Variants in EYS observed in about 807,000 individuals in gnomAD.
The protein encoded by EYS is protein eyes shut homolog.
A neutral mutation model predicts 282.1 loss-of-function variants in EYS; 250 were observed. That is an observed-to-expected ratio of 0.89 (90% CI 0.80 to 0.98). The LOEUF is 0.98. EYS is among the 50% of genes least tolerant of loss of function. EYS has a pLI of 0.00. For synonymous variants in EYS, 1,355 were observed against 1,282.9 expected, an observed-to-expected ratio of 1.06 and a Z score of -1.20; for missense variants, 4,016 against 3,709.0, an observed-to-expected ratio of 1.08 and a Z score of -2.15.
intron 30 of EYS, among the ~76,000 whole-genome samples, chr6:64,265,100 C>CCCCT (rs374267381): frequency 0.57 from 86,851 of 151,528 alleles, 26,178 homozygotes; most frequent in Non-Finnish European, 0.67. Flanking sequence ...TGTTTACCCC[C>CCCCT]AAAATTTAAG....
At chr6:65,389,340 T>C (rs976240536) in intron 7 of EYS, among the ~76,000 whole-genome samples, 2 of 152,116 alleles carry the variant, frequency 1.3e-5, no homozygotes, top group African/African-American at 2.4e-5. Flanking sequence ...GACTCATGCA[T>C]GGATAGGGCC....
intron 21 of EYS, among the ~76,000 whole-genome samples, chr6:64,816,196 A>G (rs1047938481): frequency 1.3e-5 from 2 of 151,970 alleles, no homozygotes; most frequent in Non-Finnish European, 2.9e-5. Context: ...GGTACCTACT[A>G]AGTCCCTACC....
chr6:65,400,004 T>G (rs1766431952), intron 7 of EYS, among the ~76,000 whole-genome samples: 2 of 152,176 alleles, frequency 1.3e-5, no homozygotes, highest in South Asian at 4.1e-4. Context: ...AGTAGGAGTT[T>G]CAGTGTTAAT....
At chr6:63,918,536 G>T (rs1217407506) in intron 35 of EYS, among the ~76,000 whole-genome samples, 1 of 152,116 alleles carries the variant, frequency 6.6e-6, no homozygotes, top group Admixed American at 6.6e-5. Context: ...CTCATCCTAA[G>T]GAGCTCATCC....
At chr6:65,403,187 T>C (rs1766584038) in intron 6 of EYS, among the ~76,000 whole-genome samples, 1 of 152,004 alleles carries the variant, frequency 6.6e-6, no homozygotes, top group Admixed American at 6.6e-5. Flanking sequence ...AATAAAATAA[T>C]TATTTTAAGC....
chr6:65,208,100 G>C lies in EYS; in HGVS notation c.2023+87763C>G, dbSNP rs115306218. On this transcript the variant is annotated intron_variant, in intron 12 of 42. Transcript: ENST00000503581. Reference sequence around the variant, plus strand: ...ACCTGCAGAATGGGAGAAAGTATTTGCAAATTATGTCAAACCAACAATCCC... The same window carrying C: ...ACCTGCAGAATGGGAGAAAGTATTTCCAAATTATGTCAAACCAACAATCCC... Among the ~76,000 whole-genome samples, 957 of 151,406 alleles carry C rather than the reference G, an allele frequency of 6.3e-3. 11 individuals carry two copies. The highest frequency in any genetic ancestry group is 0.022 in the African/African-American group (908 of 41,438).
At chr6:64,485,089 C>A (rs1776543798) in intron 26 of EYS, among the ~76,000 whole-genome samples, 1 of 151,502 alleles carries the variant, frequency 6.6e-6, no homozygotes, top group South Asian at 2.1e-4. Flanking sequence ...CACAAAGTGG[C>A]CCCCAAAAAA....
intron 29 of EYS, among the ~76,000 whole-genome samples, chr6:64,357,564 G>A (rs571468157): frequency 6.6e-6 from 1 of 151,540 alleles, no homozygotes; most frequent in African/African-American, 2.4e-5. Context: ...TTACATAAAG[G>A]GATGTGTGTG....
At chr6:65,258,740 A>G (rs1456844516) in intron 12 of EYS, among the ~76,000 whole-genome samples, 1 of 152,056 alleles carries the variant, frequency 6.6e-6, no homozygotes, top group African/African-American at 2.4e-5. Flanking sequence ...AGGAGATACA[A>G]TGGAATGTAT....
chr6:64,734,382 G>C (rs1439972096), intron 22 of EYS, among the ~76,000 whole-genome samples: 1 of 151,618 alleles, frequency 6.6e-6, no homozygotes, highest in Non-Finnish European at 1.5e-5. Flanking sequence ...TTAGCAATTT[G>C]TGTTTGGAGA....
intron 22 of EYS, among the ~76,000 whole-genome samples, chr6:64,723,532 G>A (rs376851067): frequency 2.6e-5 from 4 of 152,008 alleles, no homozygotes; most frequent in African/African-American, 7.2e-5. Context: ...TAAATCTTAC[G>A]CCCACTCTCT....
chr6:64,914,616 G>A (rs1378687679), intron 15 of EYS, among the ~76,000 whole-genome samples: 1 of 152,076 alleles, frequency 6.6e-6, no homozygotes, highest in Non-Finnish European at 1.5e-5. Context: ...TATATTGGAG[G>A]AGATAATTGA....
intron 26 of EYS, among the ~76,000 whole-genome samples, chr6:64,461,287 A>G (rs1027206413): frequency 6.6e-6 from 1 of 152,176 alleles, no homozygotes; most frequent in Non-Finnish European, 1.5e-5. Context: ...TTTTTTCTCA[A>G]TTATTTGCAT....
In EYS at chr6:65,316,888, A is replaced by G. The variant is rs1273120376; in HGVS notation, c.1766+18092T>C. Among the ~76,000 whole-genome samples, 6 of 152,198 alleles carry G rather than the reference A, an allele frequency of 3.9e-5. No individual in the cohort carries two copies. In the South Asian group the frequency reaches 6.2e-4, roughly 16 times the overall value. On this transcript the variant is annotated intron_variant, in intron 11 of 42. Coordinates refer to ENST00000503581, the MANE Select transcript of EYS (RefSeq NM_001142800.2). ...TTTATCCAGTCTATCACTGATGGGC[A>G]CTTGGGTTGGTTCCAAGTCTTTGCT...
intron 12 of EYS, among the ~76,000 whole-genome samples, chr6:65,106,701 C>T (rs777195520): frequency 1.4e-4 from 21 of 152,048 alleles, no homozygotes; most frequent in Non-Finnish European, 2.9e-5. Context: ...CCACTTCAGA[C>T]ATTTTATGTT....
At chr6:64,500,690 G>A (rs750195629) in intron 26 of EYS, among the ~76,000 whole-genome samples, 1 of 152,010 alleles carries the variant, frequency 6.6e-6, no homozygotes, top group African/African-American at 2.4e-5. Flanking sequence ...GGAATTAGTG[G>A]AAGATGCATA....
intron 36 of EYS, among the ~76,000 whole-genome samples, chr6:63,855,875 G>T (rs1394593632): frequency 6.6e-6 from 1 of 152,194 alleles, no homozygotes; most frequent in African/African-American, 2.4e-5. Context: ...AAGGTCAAAG[G>T]GATGAAGGGA....
chr6:65,671,599 C>T (rs532942598), intron 1 of EYS, among the ~76,000 whole-genome samples: 15 of 152,050 alleles, frequency 9.9e-5, no homozygotes, highest in Middle Eastern at 3.4e-3. Context: ...GAATAAGTAC[C>T]AAACCCTCCT....
chr6:65,391,839 C>G (rs1766048655), intron 7 of EYS, among the ~76,000 whole-genome samples: 1 of 151,998 alleles, frequency 6.6e-6, no homozygotes, highest in African/African-American at 2.4e-5. Context: ...TCATATGGAA[C>G]CAAAAAAGAG....
Sources: gnomAD v4.1 joint callset for allele counts (sites outside exome capture counted in the v4.1 genomes callset) on GRCh38, gnomAD v4.1.1 for gene constraint, MANE v1.5 for transcripts, NCBI Gene and HGNC (gene_info 2026-07-23, HGNC 2026-07-21) for gene names.